CLIC6: variants seen among roughly 807,000 people sequenced by gnomAD.
CLIC6 encodes chloride intracellular channel protein 6.
In CLIC6, 39 loss-of-function variants were observed where a neutral mutation model predicts 49.2. The ratio of observed to expected loss-of-function variants is 0.79; its 90% confidence interval spans 0.61 to 1.04. The LOEUF (loss-of-function observed/expected upper bound fraction) is 1.04, where lower values mean the gene tolerates loss of function less well. Ranked by LOEUF, CLIC6 falls within the 50% of genes least tolerant of loss-of-function variation. CLIC6 has a pLI of 0.00. For missense variants in CLIC6, 988 were observed against 993.1 expected, an observed-to-expected ratio of 0.99 and a Z score of 0.07; for synonymous variants, 446 against 433.4, an observed-to-expected ratio of 1.03 and a Z score of -0.36.
intron 1 of CLIC6, among the ~76,000 whole-genome samples, chr21:34,706,963 T>A (rs201966027): frequency 6.6e-6 from 1 of 152,314 alleles, no homozygotes; most frequent in African/African-American, 2.4e-5. Context: ...GGAGTTCCCA[T>A]TGCTGCTCCT....
intron 1 of CLIC6, among the ~76,000 whole-genome samples, chr21:34,681,431 G>A (rs2145801155): frequency 6.6e-6 from 1 of 152,330 alleles, no homozygotes. Flanking sequence ...TGGCTCATGT[G>A]GTTGCAGTGA....
At chr21:34,685,804 A>G (rs1989865840) in intron 1 of CLIC6, among the ~76,000 whole-genome samples, 1 of 152,112 alleles carries the variant, frequency 6.6e-6, no homozygotes, top group Non-Finnish European at 1.5e-5. Flanking sequence ...ATGTTCTGTC[A>G]CTCTCCAGGT....
At chr21:34,673,466 G>A (rs1989606562) in intron 1 of CLIC6, among the ~76,000 whole-genome samples, 1 of 140,118 alleles carries the variant, frequency 7.1e-6, no homozygotes, top group African/African-American at 2.8e-5. Flanking sequence ...ATTGTTTTGT[G>A]TTTTTGGTAG....
chr21:34,675,821 G>T (rs927702861), intron 1 of CLIC6, among the ~76,000 whole-genome samples: 2 of 152,178 alleles, frequency 1.3e-5, no homozygotes, highest in African/African-American at 4.8e-5. Flanking sequence ...CGGGTGGATG[G>T]CTAATTGGTA....
At chr21:34,680,304 T>G (rs1989753075) in intron 1 of CLIC6, among the ~76,000 whole-genome samples, 1 of 152,194 alleles carries the variant, frequency 6.6e-6, no homozygotes, top group South Asian at 2.1e-4. Context: ...CTGGAGCAGC[T>G]GGGATGCAGG....
rs1030089767 is a variant in CLIC6 at position 34,716,379 on chromosome 21, G to C, written c.1958G>C (p.Arg653Thr). The part of the protein sequence containing the change: ...EFPSEMTGIW[R>T]YLNNAYARDE... ...CCTTCTGAAATGACTGGCATCTGGA[G>C]ATACTTGAATAATGCTTATGCTAGA... The change falls in exon 6 of 6, where the codon AGA becomes ACA. Residue 653 changes from arginine to threonine, a missense_variant. Arg to Thr is a moderately conservative substitution (Grantham distance 71, BLOSUM62 -1). Transcript: ENST00000349499. 6.2e-7 allele frequency: 1 copy of C among 1,613,790 alleles called. No individual in the cohort carries two copies. Among genetic ancestry groups the C allele is most frequent in the Non-Finnish European group, 8.5e-7 (1 of 1,179,770 alleles).
At position 34,673,383 on chromosome 21, in the gene CLIC6, G is replaced by C. The variant is rs180697759; in HGVS notation, c.1374+2621G>C. 5.3e-4 allele frequency among the ~76,000 whole-genome samples: 80 copies of C among 152,222 alleles called. 2 individuals carry two copies. The East Asian group carries it at 0.014, about 28-fold the overall frequency. On this transcript the variant is annotated intron_variant, in intron 1 of 5. Coordinates refer to ENST00000349499, the MANE Select transcript of CLIC6 (RefSeq NM_053277.3). ...CAGCTCACTGCAACCTCCACAGACT[G>C]GGTTCAAGTGATTCTTGTGTCTCAG...
intron 1 of CLIC6, among the ~76,000 whole-genome samples, chr21:34,690,056 G>A (rs1242696230): frequency 6.6e-6 from 1 of 152,144 alleles, no homozygotes; most frequent in Non-Finnish European, 1.5e-5. Context: ...GTTTCCCATA[G>A]TTGGATCACA....
chr21:34,673,093 A>G (rs887777977), intron 1 of CLIC6, among the ~76,000 whole-genome samples: 10 of 152,170 alleles, frequency 6.6e-5, no homozygotes, highest in African/African-American at 2.4e-4. Context: ...TGAAAAGTAA[A>G]AACAACTTGC....
chr21:34,674,096 G>A (rs1989618437), intron 1 of CLIC6, among the ~76,000 whole-genome samples: 1 of 152,126 alleles, frequency 6.6e-6, no homozygotes, highest in African/African-American at 2.4e-5. Flanking sequence ...ATTTTATTTG[G>A]GAACTCCTAG....
intron 1 of CLIC6, among the ~76,000 whole-genome samples, chr21:34,676,603 G>A (rs761050570): frequency 8.5e-5 from 13 of 152,212 alleles, no homozygotes; most frequent in Non-Finnish European, 1.3e-4. Flanking sequence ...GTTAATGATG[G>A]TATGAAGGGA....
At chr21:34,698,093 C>T (rs1240401621) in intron 1 of CLIC6, among the ~76,000 whole-genome samples, 5 of 152,224 alleles carry the variant, frequency 3.3e-5, no homozygotes, top group Non-Finnish European at 7.3e-5. Context: ...CCTGTGAGGA[C>T]AGGGTTTCAT....
chr21:34,690,294 C>G (rs1989967965), intron 1 of CLIC6, among the ~76,000 whole-genome samples: 1 of 152,200 alleles, frequency 6.6e-6, no homozygotes, highest in African/African-American at 2.4e-5. Context: ...CATCACATGA[C>G]ATTTTCTTCT....
chr21:34,707,674 G>A (rs2056025138), intron 2 of CLIC6, among the ~76,000 whole-genome samples: 1 of 152,188 alleles, frequency 6.6e-6, no homozygotes, highest in Admixed American at 6.5e-5. Context: ...ATCCCTGGCT[G>A]ATAACACTGG....
At position 34,669,552 on chromosome 21, in the gene CLIC6, C is replaced by G; in HGVS notation, c.164C>G (p.Ala55Gly). 3 of 1,245,294 alleles carry G rather than the reference C, an allele frequency of 2.4e-6. No homozygotes were observed. Among genetic ancestry groups the G allele is most frequent in the Non-Finnish European group, 3.0e-6 (3 of 996,728 alleles). 77.1% of individuals were successfully genotyped at this position (1,245,294 alleles called of 1,614,324 possible). The change falls in exon 1 of 6, where the codon GCC becomes GGC. Residue 55 changes from alanine (A) to glycine (G), a missense_variant. Transcript: ENST00000349499. ...EGAEEAPRGA[A>G]AVKEAGGGGP... ...GCAGAGGAGGCGCCGAGGGGCGCCG[C>G]CGCTGTGAAGGAGGCAGGAGGCGGC...
chr21:34,702,258 AC>A (rs899370952), intron 1 of CLIC6, among the ~76,000 whole-genome samples: 1 of 152,004 alleles, frequency 6.6e-6, no homozygotes, highest in African/African-American at 2.4e-5. Flanking sequence ...GCAATGGAAG[AC>A]CCAATAGGGC....
At chr21:34,678,165 C>T (rs1459512495) in intron 1 of CLIC6, among the ~76,000 whole-genome samples, 1 of 151,840 alleles carries the variant, frequency 6.6e-6, no homozygotes, top group East Asian at 1.9e-4. Context: ...GGTGAGGTGG[C>T]TCACGCCTGT....
At chr21:34,695,571 C>T (rs979148980) in intron 1 of CLIC6, among the ~76,000 whole-genome samples, 1 of 152,146 alleles carries the variant, frequency 6.6e-6, no homozygotes, top group African/African-American at 2.4e-5. Context: ...AGAGTGTGGT[C>T]AAGGGTTGAC....
intron 1 of CLIC6, among the ~76,000 whole-genome samples, chr21:34,672,152 T>C (rs2145794891): frequency 6.6e-6 from 1 of 152,352 alleles, no homozygotes; most frequent in Non-Finnish European, 1.5e-5. Context: ...TCCTCTCCAA[T>C]CTAGTCTCTT....
Sources: gnomAD v4.1 joint callset for allele counts (sites outside exome capture counted in the v4.1 genomes callset) on GRCh38, gnomAD v4.1.1 for gene constraint, MANE v1.5 for transcripts, NCBI Gene and HGNC (gene_info 2026-07-23, HGNC 2026-07-21) for gene names.